The following PIGQ variants were observed in gnomAD, a reference collection of about 807,000 sequenced individuals.
PIGQ encodes phosphatidylinositol N-acetylglucosaminyltransferase subunit Q.
A neutral mutation model predicts 60.3 loss-of-function variants in PIGQ; 54 were observed. The ratio of observed to expected loss-of-function variants is 0.90; its 90% CI spans 0.72 to 1.12. The LOEUF is 1.12. Ranked by LOEUF, PIGQ falls within the 50% of genes most tolerant of loss-of-function variation. The pLI, the probability that PIGQ is intolerant of heterozygous loss-of-function variation, is 0.00. For synonymous variants in PIGQ, 416 were observed against 363.7 expected (o/e 1.14, Z -1.64); for missense variants, 799 against 793.5 (o/e 1.01, Z -0.08).
chr16:571,842 G>A (rs901993654), intron 1 of PIGQ, among the ~76,000 whole-genome samples: 3 of 151,938 alleles, frequency 2.0e-5, no homozygotes, highest in East Asian at 1.9e-4. Flanking sequence ...CTCACTACTC[G>A]ACAGAGAAGA....
In PIGQ at chr16:575,789, G is replaced by A; in HGVS notation, c.690-50G>A. 4 of 1,534,918 alleles carry A rather than the reference G, an allele frequency of 2.6e-6. No individual in the cohort carries two copies. In the South Asian group the frequency reaches 4.8e-5, roughly 18 times the overall value. ...GGTCCCCTGCACAGTGGGGGACGGT[G>A]GGAGGAGGATCTGGAGAGGGACACA... On this transcript the variant is annotated intron_variant, in intron 2 of 10. Coordinates refer to ENST00000321878, the MANE Select transcript of PIGQ (RefSeq NM_004204.5).
chr16:580,270 T>C lies in PIGQ; in HGVS notation c.1416+7T>C. 1.9e-6 allele frequency: 3 copies of C among 1,600,040 alleles called. No homozygotes were observed. Among genetic ancestry groups the C allele is most frequent in the Non-Finnish European group, 2.6e-6 (3 of 1,169,768 alleles). ...CTACCTGGTGTTCACCCTGGTGAGC[T>C]GAGCACCCACAGGCTGGGCCTGGCT... On this transcript the variant is annotated splice_region_variant and intron_variant, in intron 8 of 10. Transcript: ENST00000321878.
Position 583,003 on chromosome 16 carries a change from C to T in PIGQ, c.1714C>T (p.Pro572Ser). ...RKLFLGELIY[P>S]WRQRGDKQD ...GCTGTTCCTTGGGGAGCTCATCTACCCCTGGAGGCAGAGAGGGGACAAGCA... is the reference window on the plus strand; with the variant it reads ...GCTGTTCCTTGGGGAGCTCATCTACTCCTGGAGGCAGAGAGGGGACAAGCA... Residue 572 changes from proline (P) to serine (S), a missense_variant, in exon 11 of 11, where the codon CCC becomes TCC. Physicochemically the swap from Pro to Ser is moderately conservative, Grantham distance 74. Transcript: ENST00000321878. 1 of 1,613,146 alleles carries T rather than the reference C, an allele frequency of 6.2e-7. No individual in the cohort carries two copies. The highest frequency in any genetic ancestry group is 8.5e-7 in the Non-Finnish European group (1 of 1,179,986).
chr16:571,237 GTGTGTGTGTGTCTGGCTAGCC>G (rs2151042291), intron 1 of PIGQ, among the ~76,000 whole-genome samples: 2 of 149,356 alleles, frequency 1.3e-5, no homozygotes. Flanking sequence ...GCCTGTGTGT[GTGTGTGTGTGTCTGGCTAGCC>G]TGTGTGTGTG....
At chr16:579,789 T>G (rs1365955156) in intron 7 of PIGQ, 1 of 102,162 alleles carries the variant, frequency 9.8e-6, no homozygotes, top group African/African-American at 3.9e-5. Flanking sequence ...GCCCGGAGAC[T>G]AGAGGTGCCC....
intron 7 of PIGQ, chr16:579,567 G>A: frequency 4.5e-5 from 1 of 22,338 alleles, no homozygotes. Context: ...CCCCGGGCCC[G>A]GAGACTTGAG....
At chr16:575,992 TGCA>T in intron 3 of PIGQ, 22 bp downstream of exon 3, 1 of 1,572,586 alleles carries the variant, frequency 6.4e-7, no homozygotes. Flanking sequence ...CCCTGGTCTC[TGCA>T]GGGCTGGGTG....
intron 4 of PIGQ, chr16:576,816 G>A (rs2035726626): frequency 3.2e-6 from 1 of 314,690 alleles, no homozygotes; most frequent in African/African-American, 2.1e-5. Context: ...GCATTTCCAT[G>A]CTGCCTCTGG....
At chr16:573,387 G>A (rs978982605) in intron 1 of PIGQ, among the ~76,000 whole-genome samples, 4 of 152,072 alleles carry the variant, frequency 2.6e-5, no homozygotes, top group African/African-American at 9.7e-5. Context: ...AGGCACTGCC[G>A]GGTGCCACCG....
intron 1 of PIGQ, among the ~76,000 whole-genome samples, chr16:570,938 T>G (rs1467165140): frequency 6.6e-6 from 1 of 152,226 alleles, no homozygotes; most frequent in African/African-American, 2.4e-5. Context: ...CTTACTACTT[T>G]ATATGGTCGA....
chr16:574,612 C>T lies in PIGQ; in HGVS notation c.538C>T (p.Arg180Cys), dbSNP rs768063812. 29 of 1,606,030 alleles carry T rather than the reference C, an allele frequency of 1.8e-5. No individual in the cohort carries two copies. Among genetic ancestry groups the T allele is most frequent in the Non-Finnish European group, 2.2e-5 (26 of 1,177,592 alleles). Reference protein sequence around the residue: ...ARSEVLFRSDRFDEGPVRLSH... With the variant: ...ARSEVLFRSDCFDEGPVRLSH... ...CAGTGAGGTGCTCTTCCGCAGTGAC[C>T]GCTTTGATGAGGGCCCCGTGCGGCT... Residue 180 changes from arginine (R) to cysteine (C), a missense_variant, in exon 2 of 11, where the codon CGC becomes TGC. Arg to Cys is a radical substitution (Grantham distance 180). Transcript: ENST00000321878.
intron 8 of PIGQ, 112 bp from the exon 9 acceptor site, chr16:580,746 C>T (rs925105541): frequency 4.1e-6 from 3 of 728,910 alleles, no homozygotes; most frequent in Middle Eastern, 3.6e-4. Flanking sequence ...CCCTGCTCTC[C>T]CCAGGACCCT....
intron 9 of PIGQ, 103 bp from the exon 10 acceptor site, chr16:582,145 C>T: frequency 2.3e-6 from 2 of 852,080 alleles, no homozygotes; most frequent in South Asian, 1.4e-5. Flanking sequence ...CCACGGCCAG[C>T]AGCACCCGGG....
At chr16:578,005 A>C in intron 4 of PIGQ, 1 of 209,522 alleles carries the variant, frequency 4.8e-6, no homozygotes, top group South Asian at 7.0e-5. Flanking sequence ...GCAGGGCTGG[A>C]GCCGAATCAG....
At position 580,172 on chromosome 16, in the gene PIGQ, C is replaced by G. The variant is rs57125048; in HGVS notation, c.1336-11C>G. 1,888 of 1,606,870 alleles carry G rather than the reference C, an allele frequency of 1.2e-3. 24 individuals carry two copies. In the African/African-American group the frequency reaches 0.023, roughly 19 times the overall value. ...CCTGCTGATGCCCGGTGTGCTGGCC[C>G]CTCCCTACAGCTGTTCATCGGGACT... On this transcript the variant is annotated splice_polypyrimidine_tract_variant and intron_variant, in intron 7 of 10. Transcript: ENST00000321878.
chr16:572,541 A>G (rs1221611198), intron 1 of PIGQ: 5 of 455,546 alleles, frequency 1.1e-5, no homozygotes, highest in South Asian at 6.2e-5. Flanking sequence ...CGACGTGTGC[A>G]TCCTGCTCTG....
chr16:573,403 G>A (rs2035665369), intron 1 of PIGQ, among the ~76,000 whole-genome samples: 2 of 152,140 alleles, frequency 1.3e-5, no homozygotes, highest in Non-Finnish European at 2.9e-5. Context: ...CACCGTGGGC[G>A]GGGGTCAGAG....
rs574537777 is a variant in PIGQ, at chr16:583,490, C to T, written c.*455C>T. On this transcript the variant is annotated 3_prime_UTR_variant, in exon 11 of 11. Transcript: ENST00000321878. ...AGGATGAACCCCCCAGTCCCAGGCA[C>T]CCTCTAGCTCCCTCAGCCGAACAGC... The T allele has an allele frequency of 2.5e-6, 4 of 1,612,710 alleles. No individual in the cohort carries two copies. The African/African-American group carries it at 5.3e-5, about 21-fold the overall frequency.
chr16:583,948 G>A lies in PIGQ; in HGVS notation c.*913G>A. 6.8e-6 allele frequency: 3 copies of A among 441,378 alleles called. No individual in the cohort carries two copies. Among genetic ancestry groups the A allele is most frequent in the South Asian group, 6.2e-5 (3 of 48,412 alleles). The allele number at this position is 441,378 out of a possible 1,614,324, so 27.3% of individuals were successfully genotyped here. A position where few individuals can be genotyped will look rare whatever the true frequency, so the allele number is the denominator to read the frequency against. On this transcript the variant is annotated 3_prime_UTR_variant, in exon 11 of 11. Transcript: ENST00000321878. Reference sequence around the variant, plus strand: ...CCCTGTGAGCCCGAGTCCGCTTCAGGAGGGGAGCCTGCAGGTGCCGGCTGG... The same window carrying A: ...CCCTGTGAGCCCGAGTCCGCTTCAGAAGGGGAGCCTGCAGGTGCCGGCTGG...
Sources: allele counts gnomAD v4.1 joint callset (sites outside exome capture counted in the v4.1 genomes callset), GRCh38; gene constraint gnomAD v4.1.1; transcripts MANE v1.5; gene names NCBI Gene and HGNC (gene_info 2026-07-23, HGNC 2026-07-21).